The following ADCY5 variants were observed in gnomAD, a reference collection of about 807,000 sequenced individuals.
The protein encoded by ADCY5 is adenylate cyclase type 5.
A neutral mutation model predicts 119.7 loss-of-function variants in ADCY5; 30 were observed. That is an observed-to-expected ratio of 0.25 (90% confidence interval 0.19 to 0.34). ADCY5 has a LOEUF of 0.34. Ranked by LOEUF, ADCY5 falls within the 10% of genes least tolerant of loss-of-function variation. ADCY5 has a pLI of 1.00. For synonymous variants in ADCY5, 753 were observed against 762.2 expected (o/e 0.99, Z 0.20); for missense variants, 1,324 against 1,775.2 (o/e 0.75, Z 4.57).
At chr3:123,402,802 G>A (rs1166741015) in intron 1 of ADCY5, among the ~76,000 whole-genome samples, 3 of 147,392 alleles carry the variant, frequency 2.0e-5, no homozygotes, top group Admixed American at 6.7e-5. Context: ...GCAGTGAGCC[G>A]AGATCGCGCC....
At chr3:123,308,025 GCTCT>G (rs1940296357) in intron 12 of ADCY5, among the ~76,000 whole-genome samples, 2 of 117,370 alleles carry the variant, frequency 1.7e-5, no homozygotes, top group African/African-American at 6.5e-5. Context: ...TTTTTTTCAT[GCTCT>G]TTTTTTTTTT....
intron 3 of ADCY5, among the ~76,000 whole-genome samples, chr3:123,339,777 T>C (rs531965792): frequency 5.2e-5 from 6 of 115,050 alleles, no homozygotes; most frequent in Non-Finnish European, 9.7e-5. Context: ...GTACATACAA[T>C]GGAACACCCC....
chr3:123,442,586 G>A (rs1199118818), intron 1 of ADCY5, among the ~76,000 whole-genome samples: 1 of 152,232 alleles, frequency 6.6e-6, no homozygotes, highest in Non-Finnish European at 1.5e-5. Context: ...TGAACGCACT[G>A]TTCTGGGTCC....
chr3:123,324,948 TG>T (rs1941403571), intron 8 of ADCY5, among the ~76,000 whole-genome samples: 1 of 152,222 alleles, frequency 6.6e-6, no homozygotes, highest in South Asian at 2.1e-4. Flanking sequence ...TATGACAAGC[TG>T]GTGCCCACCC....
chr3:123,427,538 C>T (rs1042232008), intron 1 of ADCY5, among the ~76,000 whole-genome samples: 4 of 152,186 alleles, frequency 2.6e-5, no homozygotes, highest in African/African-American at 7.2e-5. Context: ...AATCCCTATT[C>T]ATCCTCTAAG....
At chr3:123,421,843 G>C (rs752119901) in intron 1 of ADCY5, among the ~76,000 whole-genome samples, 3 of 152,198 alleles carry the variant, frequency 2.0e-5, no homozygotes. Context: ...GTGGGAGAGA[G>C]AGTTGAGCAT....
At chr3:123,446,305 G>C (rs118040720) in intron 1 of ADCY5, among the ~76,000 whole-genome samples, 3 of 152,216 alleles carry the variant, frequency 2.0e-5, no homozygotes, top group African/African-American at 7.2e-5. Flanking sequence ...GGAGACAGAG[G>C]AAGGCAATGA....
chr3:123,359,342 A>ATATATATATATATATATATATATT (rs1943159519), intron 1 of ADCY5, among the ~76,000 whole-genome samples: 1 of 57,426 alleles, frequency 1.7e-5, no homozygotes, highest in African/African-American at 5.2e-5. Flanking sequence ...ATATATATAT[A>ATATATATATATATATATATATATT]TATATATATA....
chr3:123,349,045 G>A (rs1365156350), intron 2 of ADCY5, among the ~76,000 whole-genome samples: 1 of 152,102 alleles, frequency 6.6e-6, no homozygotes, highest in African/African-American at 2.4e-5. Context: ...CCATGGCCAA[G>A]GTTCCCACTA....
Position 123,347,681 on chromosome 3 carries a change from G to C in ADCY5, c.1406+101C>G, listed in dbSNP as rs190898287. 169 of 1,476,834 alleles carry C rather than the reference G, an allele frequency of 1.1e-4. No homozygotes were observed. In the African/African-American group the frequency reaches 2.5e-3, roughly 21 times the overall value. The allele number at this position is 1,476,834 out of a possible 1,614,324, so 91.5% of individuals were successfully genotyped here. On this transcript the variant is annotated intron_variant, in intron 3 of 20. Transcript: ENST00000462833. ...AGATGACACACTCCAAAGTCACCAA[G>C]CCACCCTGTCGGGCTGTGCCCACTT...
intron 3 of ADCY5, among the ~76,000 whole-genome samples, chr3:123,346,055 C>T (rs1942535403): frequency 2.0e-5 from 3 of 152,224 alleles, no homozygotes. Flanking sequence ...CACAGTACAG[C>T]CCTCTTCTTT....
At chr3:123,446,111 C>G (rs1482156808) in intron 1 of ADCY5, among the ~76,000 whole-genome samples, 1 of 152,160 alleles carries the variant, frequency 6.6e-6, no homozygotes, top group Non-Finnish European at 1.5e-5. Context: ...GCTTGTGTGT[C>G]CCCTCCGTCC....
rs887228038 is a variant in ADCY5, at chr3:123,282,846, G to A, written c.*1762C>T. ...AAGTCACATTGTGGCAGCTGGCACA[G>A]AGCCACTGCCTCATCACCTCCAAGC... is the stretch of plus-strand genomic sequence containing the variant. On this transcript the variant is annotated 3_prime_UTR_variant, in exon 21 of 21. Transcript: ENST00000462833. 10 of 152,206 alleles carry A rather than the reference G, an allele frequency of 6.6e-5. No homozygotes were observed. The highest frequency in any genetic ancestry group is 1.4e-4 in the African/African-American group (6 of 41,442). 9.4% of individuals were successfully genotyped at this position (152,206 alleles called of 1,614,324 possible). A position where few individuals can be genotyped will look rare whatever the true frequency, so the allele number is the denominator to read the frequency against.
At chr3:123,318,716 T>C (rs1403139849) in intron 10 of ADCY5, among the ~76,000 whole-genome samples, 1 of 152,170 alleles carries the variant, frequency 6.6e-6, no homozygotes, top group South Asian at 2.1e-4. Context: ...TTTGCTTGCC[T>C]GGTTTAATGC....
intron 20 of ADCY5, among the ~76,000 whole-genome samples, chr3:123,285,130 G>T (rs1938650643): frequency 6.6e-6 from 1 of 152,196 alleles, no homozygotes; most frequent in Admixed American, 6.5e-5. Flanking sequence ...TGTCCCCGGT[G>T]CATTGTACAA....
Position 123,292,042 on chromosome 3 carries a change from T to C in ADCY5, c.3064-666A>G, listed in dbSNP as rs1007252958. 3.9e-5 allele frequency among the ~76,000 whole-genome samples: 6 copies of C among 152,196 alleles called. No individual in the cohort carries two copies. In the East Asian group the frequency reaches 1.2e-3, roughly 29 times the overall value. On this transcript the variant is annotated intron_variant, in intron 17 of 20. Coordinates refer to ENST00000462833, the MANE Select transcript of ADCY5 (RefSeq NM_183357.3). ...CTATGGGATTTTTTGGTCACCCACCTTCCAGGTTAAAGGACAGGGCAGATC... is the reference window on the plus strand; with the variant it reads ...CTATGGGATTTTTTGGTCACCCACCCTCCAGGTTAAAGGACAGGGCAGATC...
intron 2 of ADCY5, among the ~76,000 whole-genome samples, chr3:123,351,983 G>C (rs972639869): frequency 2.6e-5 from 4 of 152,216 alleles, no homozygotes; most frequent in African/African-American, 9.6e-5. Context: ...TGTTTCAGGG[G>C]ATGACAGCTC....
chr3:123,425,229 T>C (rs1945380438), intron 1 of ADCY5, among the ~76,000 whole-genome samples: 1 of 152,240 alleles, frequency 6.6e-6, no homozygotes, highest in African/African-American at 2.4e-5. Flanking sequence ...GCCAAAGGAA[T>C]GTTCTGGACA....
intron 1 of ADCY5, among the ~76,000 whole-genome samples, chr3:123,361,833 T>C (rs1200159420): frequency 3.9e-5 from 6 of 152,250 alleles, no homozygotes; most frequent in Non-Finnish European, 7.3e-5. Flanking sequence ...GGTAATTTTA[T>C]ACAACATTTT....
Sources: allele counts gnomAD v4.1 joint callset (sites outside exome capture counted in the v4.1 genomes callset), GRCh38; gene constraint gnomAD v4.1.1; transcripts MANE v1.5; gene names NCBI Gene and HGNC (gene_info 2026-07-23, HGNC 2026-07-21).